Variants in LRRC37A2 observed in about 807,000 individuals in gnomAD.
The protein encoded by LRRC37A2 is leucine-rich repeat-containing protein 37A2.
Under a neutral mutation model 68.8 loss-of-function variants are expected in LRRC37A2, and 9 were observed. The ratio of observed to expected loss-of-function variants is 0.13; its 90% CI spans 0.08 to 0.23. LRRC37A2 has a LOEUF of 0.23. Ranked by LOEUF, LRRC37A2 falls within the 10% of genes least tolerant of loss-of-function variation. The pLI, the probability that LRRC37A2 is intolerant of heterozygous loss-of-function variation, is 1.00. For missense variants in LRRC37A2, 168 were observed against 950.4 expected, an observed-to-expected ratio of 0.18 and a Z score of 10.82; for synonymous variants, 63 against 367.6, an observed-to-expected ratio of 0.17 and a Z score of 9.48.
the LRRC37A2 span, among the ~76,000 whole-genome samples, chr17:46,901,224 C>T: frequency 1.3e-5 from 2 of 151,940 alleles, no homozygotes; most frequent in South Asian, 2.1e-4. Flanking sequence ...TGCAGTGGTG[C>T]GATCTCAGCT....
chr17:46,741,181 C>G, the LRRC37A2 span, among the ~76,000 whole-genome samples: 4 of 152,150 alleles, frequency 2.6e-5, no homozygotes, highest in African/African-American at 9.7e-5. Flanking sequence ...ATCACTTTAC[C>G]TCTCACCCCA....
At chr17:46,982,503 C>T in the LRRC37A2 span, among the ~76,000 whole-genome samples, 1 of 152,218 alleles carries the variant, frequency 6.6e-6, no homozygotes, top group African/African-American at 2.4e-5. Flanking sequence ...AATTCTCTCA[C>T]ACCAGCCTTT....
the LRRC37A2 span, among the ~76,000 whole-genome samples, chr17:46,856,559 A>G: frequency 6.7e-6 from 1 of 149,544 alleles, no homozygotes; most frequent in East Asian, 2.0e-4. Context: ...ATCTCGGCTC[A>G]CTGCAGCCTC....
chr17:46,883,924 T>C, the LRRC37A2 span, among the ~76,000 whole-genome samples: 1 of 152,042 alleles, frequency 6.6e-6, no homozygotes, highest in Non-Finnish European at 1.5e-5. Context: ...CCCATATTCC[T>C]CCCTGGCTCT....
At chr17:46,913,699 C>T in the LRRC37A2 span, among the ~76,000 whole-genome samples, 1 of 152,354 alleles carries the variant, frequency 6.6e-6, no homozygotes, top group African/African-American at 2.4e-5. Flanking sequence ...GTTCTCTAGA[C>T]ACCAGGGTGC....
the LRRC37A2 span, among the ~76,000 whole-genome samples, chr17:46,918,466 G>A: frequency 2.6e-5 from 4 of 152,304 alleles, no homozygotes; most frequent in South Asian, 8.3e-4. Context: ...ATACAGTCCT[G>A]TCAACGTGAT....
chr17:46,900,212 C>CAT, the LRRC37A2 span, among the ~76,000 whole-genome samples: 2 of 126,360 alleles, frequency 1.6e-5, no homozygotes, highest in African/African-American at 4.0e-5. Context: ...TACACACACA[C>CAT]ACACACACAT....
the LRRC37A2 span, among the ~76,000 whole-genome samples, chr17:46,721,231 C>A: frequency 5.3e-5 from 8 of 152,224 alleles, no homozygotes; most frequent in African/African-American, 1.9e-4. Context: ...TCCACCTTTG[C>A]ATGCAAGAGA....
the LRRC37A2 span, chr17:46,979,021 C>T: frequency 7.2e-7 from 1 of 1,391,274 alleles, no homozygotes; most frequent in Non-Finnish European, 9.2e-7. Flanking sequence ...CGCGCGGCGC[C>T]GGGGGTCTCG....
At chr17:46,530,359 T>G (rs1310775265) in intron 6 of LRRC37A2, among the ~76,000 whole-genome samples, 1 of 142,804 alleles carries the variant, frequency 7.0e-6, no homozygotes, top group Non-Finnish European at 1.5e-5. Context: ...TAACCAGTCA[T>G]GTGGCACTCA....
chr17:47,022,166 C>CTTTTTTTTTTTTTTTTTTTTTTTTTTT, the LRRC37A2 span, among the ~76,000 whole-genome samples: 4 of 15,856 alleles, frequency 2.5e-4, 1 homozygote, highest in East Asian at 2.2e-3. Flanking sequence ...CCTTTTTGTT[C>CTTTTTTTTTTTTTTTTTTTTTTTTTTT]TCTTTTTTTT....
the LRRC37A2 span, among the ~76,000 whole-genome samples, chr17:46,883,371 G>A: frequency 1.3e-5 from 2 of 148,674 alleles, no homozygotes; most frequent in African/African-American, 5.0e-5. Context: ...TACAACCTCC[G>A]CCTCCCGGGT....
the LRRC37A2 span, among the ~76,000 whole-genome samples, chr17:46,787,681 C>T: frequency 8.6e-4 from 131 of 152,330 alleles, 1 homozygote; most frequent in East Asian, 0.022. Context: ...CGGCCGGGCG[C>T]GGTGGCTCAC....
At chr17:46,962,317 A>G in the LRRC37A2 span, among the ~76,000 whole-genome samples, 3 of 143,090 alleles carry the variant, frequency 2.1e-5, no homozygotes, top group African/African-American at 7.6e-5. Context: ...CAATAGAGTG[A>G]GACTCCATCT....
chr17:46,500,932 C>A, the LRRC37A2 span, among the ~76,000 whole-genome samples: 1 of 151,178 alleles, frequency 6.6e-6, no homozygotes, highest in Admixed American at 6.6e-5. Flanking sequence ...GTAATCCCAG[C>A]ACTTTGGGAG....
chr17:46,720,318 G>A, the LRRC37A2 span, among the ~76,000 whole-genome samples: 1 of 152,136 alleles, frequency 6.6e-6, no homozygotes, highest in East Asian at 1.9e-4. Context: ...TTTGGCATTT[G>A]TATCTCTTTG....
At chr17:46,758,683 A>C in the LRRC37A2 span, among the ~76,000 whole-genome samples, 7 of 152,324 alleles carry the variant, frequency 4.6e-5, no homozygotes, top group Middle Eastern at 0.01. Context: ...TTTTACTTTA[A>C]GGCTGTCTTT....
the LRRC37A2 span, among the ~76,000 whole-genome samples, chr17:46,716,600 AT>A: frequency 1.1e-3 from 166 of 151,912 alleles, 1 homozygote; most frequent in Non-Finnish European, 1.3e-3. Flanking sequence ...AGATGTTTTA[AT>A]TTTTTTTCAG....
the LRRC37A2 span, among the ~76,000 whole-genome samples, chr17:46,742,337 T>C: frequency 6.6e-6 from 1 of 152,230 alleles, no homozygotes; most frequent in Non-Finnish European, 1.5e-5. Flanking sequence ...AAAGTAATAA[T>C]GAAGGAGTGA....
Sources: allele counts gnomAD v4.1 joint callset (sites outside exome capture counted in the v4.1 genomes callset), GRCh38; gene constraint gnomAD v4.1.1; transcripts MANE v1.5; gene names NCBI Gene and HGNC (gene_info 2026-07-23, HGNC 2026-07-21).